The following BAG3 variants were observed in gnomAD, a reference collection of about 807,000 sequenced individuals.
The protein encoded by BAG3 is BAG family molecular chaperone regulator 3.
A neutral mutation model predicts 40.5 loss-of-function variants in BAG3; 14 were observed. That is an observed-to-expected ratio of 0.35 (90% CI 0.23 to 0.54). The LOEUF is 0.54. Among genes scored for constraint, BAG3 ranks in the 20% least tolerant of loss-of-function variants. The pLI, the probability that BAG3 is intolerant of heterozygous loss-of-function variation, is 0.91. For synonymous variants in BAG3, 302 were observed against 307.8 expected (o/e 0.98, Z 0.20); for missense variants, 788 against 758.6 (o/e 1.04, Z -0.46).
intron 2 of BAG3, among the ~76,000 whole-genome samples, chr10:119,670,588 A>G (rs1024650128): frequency 6.6e-6 from 1 of 152,180 alleles, no homozygotes; most frequent in Non-Finnish European, 1.5e-5. Context: ...ATAGCTGTGC[A>G]TTATTTTGTT....
At chr10:119,673,614 G>C (rs932790467) in intron 3 of BAG3, among the ~76,000 whole-genome samples, 1 of 152,192 alleles carries the variant, frequency 6.6e-6, no homozygotes, top group Admixed American at 6.5e-5. Flanking sequence ...AAAAAGGAAA[G>C]CCCCCCGTGA....
chr10:119,665,518 A>G (rs1471954489), intron 1 of BAG3, among the ~76,000 whole-genome samples: 1 of 151,900 alleles, frequency 6.6e-6, no homozygotes, highest in Admixed American at 6.6e-5. Flanking sequence ...ACCTCAGGTG[A>G]TCCACCCGCC....
At chr10:119,675,830 T>TC (rs1307613726) in intron 3 of BAG3, among the ~76,000 whole-genome samples, 4 of 36,886 alleles carry the variant, frequency 1.1e-4, no homozygotes, top group South Asian at 1.6e-3. Flanking sequence ...CCTTCCCCCT[T>TC]CCCCCTTCCC....
chr10:119,676,747 C>G lies in BAG3; in HGVS notation c.1193C>G (p.Pro398Arg). Residue 398 changes from proline to arginine, a missense_variant, in exon 4 of 4, where the codon CCC becomes CGC. By Grantham distance (103) the Pro-to-Arg change is moderately radical. Transcript: ENST00000369085. The stretch of plus-strand genomic sequence containing the variant: ...GTGGCTACAGAAGAGAGGGCAGCCC[C>G]CAGCACTGCCCCTGCAGAAGCTACA... ...KSVATEERAA[P>R]STAPAEATPP... 1 of 1,614,108 alleles carries G rather than the reference C, an allele frequency of 6.2e-7. No individual in the cohort carries two copies. Among genetic ancestry groups the G allele is most frequent in the Non-Finnish European group, 8.5e-7 (1 of 1,180,026 alleles).
At position 119,672,866 on chromosome 10, in the gene BAG3, C is replaced by G. The variant is rs2099835569; in HGVS notation, c.909+210C>G. 6.6e-6 allele frequency among the ~76,000 whole-genome samples: 1 copy of G among 152,182 alleles called. No individual in the cohort carries two copies. Among genetic ancestry groups the G allele is most frequent in the African/African-American group, 2.4e-5 (1 of 41,434 alleles). On this transcript the variant is annotated intron_variant, in intron 3 of 3. Transcript: ENST00000369085. The surrounding 1 kb of genome is among the most constrained non-coding windows in gnomAD (Gnocchi z 4.8). ...AACCCTCCGCACTCTGCAGCTTTTG[C>G]TGGGCTGATCATTGTGCATTGCGGC...
chr10:119,668,177 G>A (rs2134062117), intron 1 of BAG3, among the ~76,000 whole-genome samples: 1 of 152,360 alleles, frequency 6.6e-6, no homozygotes, highest in Admixed American at 6.5e-5. Context: ...CCTTTCCTGT[G>A]TGCTGGAGGC....
intron 1 of BAG3, among the ~76,000 whole-genome samples, chr10:119,659,945 T>C (rs935860720): frequency 6.6e-6 from 1 of 151,454 alleles, no homozygotes; most frequent in Non-Finnish European, 1.5e-5. Flanking sequence ...GAAGAAGAGG[T>C]AGGTAGGTTC....
At chr10:119,670,293 T>G in intron 2 of BAG3, 116 bp downstream of exon 2, 1 of 1,163,382 alleles carries the variant, frequency 8.6e-7, no homozygotes, top group Non-Finnish European at 1.2e-6. Flanking sequence ...ATGCAGGGCA[T>G]CTGGGTCTAG....
chr10:119,657,351 C>G (rs1160688745), intron 1 of BAG3: 1 of 333,574 alleles, frequency 3.0e-6, no homozygotes, highest in Non-Finnish European at 6.0e-6. Context: ...TAATTTGAAT[C>G]TTTTTGCTTA....
intron 1 of BAG3, among the ~76,000 whole-genome samples, chr10:119,662,993 C>T (rs559393883): frequency 1.7e-4 from 26 of 152,144 alleles, no homozygotes; most frequent in Non-Finnish European, 2.6e-4. Context: ...CCAGCCTAGG[C>T]GACAGAGCGA....
Position 119,676,647 on chromosome 10 carries a change from A to G in BAG3, c.1093A>G (p.Lys365Glu). Residue 365 changes from lysine (K) to glutamate (E), a missense_variant, in exon 4 of 4, where the codon AAA (lysine) becomes GAA (glutamate). By Grantham distance (56) the Lys-to-Glu change is moderately conservative. Coordinates refer to ENST00000369085, the MANE Select transcript of BAG3 (RefSeq NM_004281.4). ...PPPPSEKVEV[K>E]VPPAPVPCPP... ...ACCTCCCTCTGAGAAGGTAGAGGTG[A>G]AAGTTCCCCCTGCTCCAGTTCCTTG... The G allele has an allele frequency of 6.2e-7, 1 of 1,614,134 alleles. No homozygotes were observed. Among genetic ancestry groups the G allele is most frequent in the Non-Finnish European group, 8.5e-7 (1 of 1,180,022 alleles).
rs547971209 is a variant in BAG3 at position 119,672,092 on chromosome 10, G to A, written c.508-163G>A. On this transcript the variant is annotated intron_variant, in intron 2 of 3. Coordinates refer to ENST00000369085, the MANE Select transcript of BAG3 (RefSeq NM_004281.4). This position sits in a 1 kb window ranked among gnomAD's most constrained non-coding sequence, Gnocchi z 4.8. Reference sequence around the variant, plus strand: ...GTGTGAGCCACCGCGCCCAGCCCCAGAGCTCTCAGTCTTAACCGCACATTT... The same window carrying A: ...GTGTGAGCCACCGCGCCCAGCCCCAAAGCTCTCAGTCTTAACCGCACATTT... Among the ~76,000 whole-genome samples the A allele has an allele frequency of 6.6e-6, 1 of 152,266 alleles. No individual in the cohort carries two copies. Among genetic ancestry groups the A allele is most frequent in the South Asian group, 2.1e-4 (1 of 4,826 alleles).
intron 2 of BAG3, 94 bp downstream of exon 2, chr10:119,670,271 G>T: frequency 7.3e-7 from 1 of 1,374,448 alleles, no homozygotes; most frequent in African/African-American, 1.5e-5. Context: ...CCTGGGCCAG[G>T]CACCTGTTCA....
chr10:119,651,603 G>A lies in BAG3; in HGVS notation c.-73G>A. ...GCGGCGGAGAGGGGCCCACGGCGGC[G>A]GCCCGGCCAGAGACTCGGCGCCCGG... On this transcript the variant is annotated 5_prime_UTR_variant, in exon 1 of 4. Transcript: ENST00000369085. The A allele has an allele frequency of 7.4e-7, 1 of 1,342,392 alleles. No homozygotes were observed. The highest frequency in any genetic ancestry group is 9.6e-7 in the Non-Finnish European group (1 of 1,039,934). The allele number at this position is 1,342,392 out of a possible 1,614,324, so 83.2% of individuals were successfully genotyped here.
At chr10:119,661,760 C>T (rs1197960914) in intron 1 of BAG3, among the ~76,000 whole-genome samples, 1 of 151,992 alleles carries the variant, frequency 6.6e-6, no homozygotes, top group Non-Finnish European at 1.5e-5. Flanking sequence ...CAAAGCCTAA[C>T]TCCTCAGGTG....
At position 119,677,446 on chromosome 10, in the gene BAG3, A is replaced by T; in HGVS notation, c.*164A>T. 1.2e-6 allele frequency: 1 copy of T among 831,908 alleles called. No individual in the cohort carries two copies. Among genetic ancestry groups the T allele is most frequent in the Non-Finnish European group, 2.0e-6 (1 of 507,004 alleles). 51.5% of individuals were successfully genotyped at this position (831,908 alleles called of 1,614,324 possible). ...AATAAAAGGGCTAAAAAGGAAAATG[A>T]TGCTTTTCTTCTATATTCTTACTCT... On this transcript the variant is annotated 3_prime_UTR_variant, in exon 4 of 4. Coordinates refer to ENST00000369085, the MANE Select transcript of BAG3 (RefSeq NM_004281.4).
intron 3 of BAG3, among the ~76,000 whole-genome samples, chr10:119,674,338 A>G (rs141631481): frequency 1.6e-3 from 240 of 152,322 alleles, no homozygotes; most frequent in African/African-American, 5.4e-3. Context: ...ACATCGATCC[A>G]TACTTGGGTT....
intron 3 of BAG3, among the ~76,000 whole-genome samples, chr10:119,675,809 C>T (rs1382329098): frequency 1.5e-5 from 1 of 68,366 alleles, no homozygotes; most frequent in Non-Finnish European, 2.9e-5. Flanking sequence ...CCCTTCCCCC[C>T]TTCCCTGCTT....
rs727504929 is a variant in BAG3 at position 119,651,789 on chromosome 10, C to A, written c.114C>A (p.Phe38Leu). Reference sequence around the variant, plus strand: ...TCGACCCGCAGACCGGCTGGCCCTTCTTCGTGGACCACAACAGCCGCACCA... The same window carrying A: ...TCGACCCGCAGACCGGCTGGCCCTTATTCGTGGACCACAACAGCCGCACCA... ...IKIDPQTGWP[F>L]FVDHNSRTTT... is the part of the protein sequence containing the mutation. Residue 38 changes from phenylalanine to leucine, a missense_variant, in exon 1 of 4, where the codon TTC becomes TTA. Phe to Leu is a conservative substitution (Grantham distance 22, BLOSUM62 0). Transcript: ENST00000369085. 2 of 1,602,432 alleles carry A rather than the reference C, an allele frequency of 1.2e-6. No homozygotes were observed. The highest frequency in any genetic ancestry group is 1.7e-6 in the Non-Finnish European group (2 of 1,175,120).
Sources: allele counts gnomAD v4.1 joint callset (sites outside exome capture counted in the v4.1 genomes callset), GRCh38; gene constraint gnomAD v4.1.1; non-coding constraint Gnocchi (gnomAD v3.1); transcripts MANE v1.5; gene names NCBI Gene and HGNC (gene_info 2026-07-23, HGNC 2026-07-21).